The following XKR9 variants were observed in gnomAD, a reference collection of about 807,000 sequenced individuals.
The protein encoded by XKR9 is XK-related protein 9.
Under a neutral mutation model 32.0 loss-of-function variants are expected in XKR9, and 32 were observed. The ratio of observed to expected loss-of-function variants is 1.00; its 90% CI spans 0.76 to 1.34. The LOEUF (loss-of-function observed/expected upper bound fraction) is 1.34, where lower values mean the gene tolerates loss of function less well. Among genes scored for constraint, XKR9 ranks in the 40% most tolerant of loss-of-function variants. XKR9 has a pLI of 0.00. For missense variants in XKR9, 546 were observed against 429.7 expected, an observed-to-expected ratio of 1.27 and a Z score of -2.39; for synonymous variants, 168 against 143.4, an observed-to-expected ratio of 1.17 and a Z score of -1.22.
At chr8:70,920,764 T>C in the XKR9 span, among the ~76,000 whole-genome samples, 16 of 152,324 alleles carry the variant, frequency 1.1e-4, no homozygotes, top group Admixed American at 3.3e-4. Context: ...TTTGTATGTA[T>C]TAATTTTGAA....
At chr8:71,031,038 G>A in the XKR9 span, among the ~76,000 whole-genome samples, 1 of 151,890 alleles carries the variant, frequency 6.6e-6, no homozygotes, top group Non-Finnish European at 1.5e-5. Flanking sequence ...TTTCTTCTTT[G>A]TGTATCTGTG....
At chr8:70,831,316 A>G in the XKR9 span, among the ~76,000 whole-genome samples, 1 of 151,750 alleles carries the variant, frequency 6.6e-6, no homozygotes, top group East Asian at 1.9e-4. Context: ...AAAAGTACCT[A>G]ACTTCTTTGA....
the XKR9 span, among the ~76,000 whole-genome samples, chr8:70,852,526 C>T: frequency 1.5e-4 from 23 of 152,226 alleles, no homozygotes; most frequent in African/African-American, 5.5e-4. Flanking sequence ...ATAAATCATT[C>T]TACTATAAAT....
chr8:70,848,373 T>C, the XKR9 span, among the ~76,000 whole-genome samples: 10 of 152,028 alleles, frequency 6.6e-5, no homozygotes, highest in South Asian at 1.5e-3. Flanking sequence ...TGAAGGTCTT[T>C]CCTTTAAGGA....
the XKR9 span, among the ~76,000 whole-genome samples, chr8:70,802,095 C>T: frequency 6.6e-6 from 1 of 151,934 alleles, no homozygotes; most frequent in Admixed American, 6.6e-5. Context: ...CACCACCACG[C>T]CCGGCTATTT....
chr8:70,845,551 T>C, the XKR9 span, among the ~76,000 whole-genome samples: 3 of 152,010 alleles, frequency 2.0e-5, no homozygotes, highest in Non-Finnish European at 2.9e-5. Flanking sequence ...AGAAAAATAA[T>C]TCAAGATATG....
chr8:70,814,957 A>G, the XKR9 span, among the ~76,000 whole-genome samples: 1 of 152,222 alleles, frequency 6.6e-6, no homozygotes, highest in Non-Finnish European at 1.5e-5. Context: ...ATAACAATCC[A>G]GTAGAGAATC....
At chr8:70,915,073 G>A in the XKR9 span, among the ~76,000 whole-genome samples, 7 of 152,014 alleles carry the variant, frequency 4.6e-5, no homozygotes, top group Non-Finnish European at 1.0e-4. Flanking sequence ...GGGTTGAAGT[G>A]GGTTCTTCTT....
the XKR9 span, among the ~76,000 whole-genome samples, chr8:71,053,945 C>A: frequency 1.3e-5 from 2 of 152,336 alleles, no homozygotes; most frequent in South Asian, 4.1e-4. Context: ...ACATAGAGAG[C>A]TTGTTTTCAG....
At chr8:71,009,862 C>T in the XKR9 span, among the ~76,000 whole-genome samples, 65,154 of 152,072 alleles carry the variant, frequency 0.43, 15,101 homozygotes, top group Non-Finnish European at 0.53. Context: ...TAAATAAATA[C>T]ACCTTGCAAA....
At chr8:70,968,052 C>T in the XKR9 span, among the ~76,000 whole-genome samples, 1 of 152,076 alleles carries the variant, frequency 6.6e-6, no homozygotes, top group Admixed American at 6.6e-5. Flanking sequence ...TTCCATTCTC[C>T]CCATCTCTTT....
At chr8:70,897,082 A>G in the XKR9 span, among the ~76,000 whole-genome samples, 3 of 151,880 alleles carry the variant, frequency 2.0e-5, no homozygotes, top group East Asian at 1.9e-4. Flanking sequence ...CTCTATCTCC[A>G]TGAGTTCAAT....
Position 70,689,523 on chromosome 8 carries a change from C to T in XKR9, c.272+8193C>T, listed in dbSNP as rs144166893. On this transcript the variant is annotated intron_variant, in intron 3 of 4. Transcript: ENST00000408926. ...ATTATATATATATGTATATTAGCCCCGGAGCTTCCTCTTCTAGAAATTTAT... is the reference window on the plus strand; with the variant it reads ...ATTATATATATATGTATATTAGCCCTGGAGCTTCCTCTTCTAGAAATTTAT... Among the ~76,000 whole-genome samples, 805 of 148,956 alleles carry T rather than the reference C, an allele frequency of 5.4e-3. 5 individuals carry two copies. Among genetic ancestry groups the T allele is most frequent in the Admixed American group, 7.5e-3 (112 of 14,900 alleles).
the XKR9 span, among the ~76,000 whole-genome samples, chr8:70,823,978 A>T: frequency 1.3e-5 from 2 of 152,136 alleles, no homozygotes; most frequent in Non-Finnish European, 2.9e-5. Flanking sequence ...TTGTAGTAAG[A>T]ATTTCTTGTG....
At chr8:70,752,771 G>A (rs13277975) in intron 2 of XKR9, among the ~76,000 whole-genome samples, 3 of 151,978 alleles carry the variant, frequency 2.0e-5, no homozygotes, top group Non-Finnish European at 4.4e-5. Flanking sequence ...AAAGCAGTGT[G>A]TAGAGGGAAA....
chr8:70,672,998 T>A (rs1056505045), intron 1 of XKR9, among the ~76,000 whole-genome samples: 1 of 152,204 alleles, frequency 6.6e-6, no homozygotes, highest in Admixed American at 6.5e-5. Context: ...AATATTTTCT[T>A]CTGTTCAGCA....
the XKR9 span, among the ~76,000 whole-genome samples, chr8:70,951,456 C>G: frequency 6.6e-6 from 1 of 152,244 alleles, no homozygotes; most frequent in Non-Finnish European, 1.5e-5. Context: ...GGCCTGGCCA[C>G]TCCTCAGCAG....
At chr8:71,036,151 C>G in the XKR9 span, among the ~76,000 whole-genome samples, 1 of 152,108 alleles carries the variant, frequency 6.6e-6, no homozygotes, top group African/African-American at 2.4e-5. Flanking sequence ...ATATGTTTTT[C>G]TCCTATTAAT....
intron 2 of XKR9, among the ~76,000 whole-genome samples, chr8:70,759,598 T>G (rs1807279482): frequency 6.6e-6 from 1 of 152,182 alleles, no homozygotes; most frequent in South Asian, 2.1e-4. Flanking sequence ...TTTCAGTAGG[T>G]TAAATTAAAG....
Sources: gnomAD v4.1 joint callset for allele counts (sites outside exome capture counted in the v4.1 genomes callset) on GRCh38, gnomAD v4.1.1 for gene constraint, MANE v1.5 for transcripts, NCBI Gene and HGNC (gene_info 2026-07-23, HGNC 2026-07-21) for gene names.